The following POLR1A variants were observed in gnomAD, a reference collection of about 807,000 sequenced individuals.
POLR1A encodes the protein RNA polymerase I subunit A.
In POLR1A, 84 loss-of-function variants were observed where a neutral mutation model predicts 205.3. That is an observed-to-expected ratio of 0.41 (90% CI 0.34 to 0.49). The LOEUF is 0.49. Ranked by LOEUF, POLR1A falls within the 20% of genes least tolerant of loss-of-function variation. The probability of loss-of-function intolerance (pLI) is 0.22; values close to 1 mark genes in which losing one functional copy is unlikely to be tolerated. For synonymous variants in POLR1A, 799 were observed against 863.7 expected, an observed-to-expected ratio of 0.93 and a Z score of 1.31; for missense variants, 1,645 against 2,204.5, an observed-to-expected ratio of 0.75 and a Z score of 5.08.
rs1281876983 is a variant in POLR1A at position 86,025,445 on chromosome 2, G to C, written c.*1978C>G. On this transcript the variant is annotated 3_prime_UTR_variant, in exon 34 of 34. Coordinates refer to ENST00000263857, the MANE Select transcript of POLR1A (RefSeq NM_015425.6). ...CACCACAGTGAGTCCCTGCTCATCAGGATGTGCAAGCTCCCAAATGTCTGT... is the reference window on the plus strand; with the variant it reads ...CACCACAGTGAGTCCCTGCTCATCACGATGTGCAAGCTCCCAAATGTCTGT... 1 of 152,276 alleles carries C rather than the reference G, an allele frequency of 6.6e-6. No homozygotes were observed. Among genetic ancestry groups the C allele is most frequent in the Non-Finnish European group, 1.5e-5 (1 of 68,058 alleles). The allele number at this position is 152,276 out of a possible 1,614,324, so 9.4% of individuals were successfully genotyped here.
At chr2:86,094,602 G>C (rs1673673218) in intron 3 of POLR1A, among the ~76,000 whole-genome samples, 1 of 152,162 alleles carries the variant, frequency 6.6e-6, no homozygotes, top group Non-Finnish European at 1.5e-5. Flanking sequence ...CCCTTTCAGG[G>C]ACAGGGCCAG....
Position 86,070,330 on chromosome 2 carries a change from T to C in POLR1A, c.1612-58A>G. 1 of 1,528,798 alleles carries C rather than the reference T, an allele frequency of 6.5e-7. No homozygotes were observed. The highest frequency in any genetic ancestry group is 8.8e-7 in the Non-Finnish European group (1 of 1,130,006). 94.7% of individuals were successfully genotyped at this position (1,528,798 alleles called of 1,614,324 possible). On this transcript the variant is annotated intron_variant, in intron 12 of 33. Transcript: ENST00000263857. The surrounding 1 kb of genome is among the most constrained non-coding windows in gnomAD (Gnocchi z 4.4). ...GCAAACGTCAGTATCACCACGGCTCTTTCCAAGTGCTCACCTCAGCTTGAC... is the reference window on the plus strand; with the variant it reads ...GCAAACGTCAGTATCACCACGGCTCCTTCCAAGTGCTCACCTCAGCTTGAC...
At chr2:86,092,750 G>A (rs1049611313) in intron 3 of POLR1A, among the ~76,000 whole-genome samples, 2 of 152,188 alleles carry the variant, frequency 1.3e-5, no homozygotes, top group Non-Finnish European at 2.9e-5. Flanking sequence ...ACTTGAACCC[G>A]GGAGGTGGAG....
intron 3 of POLR1A, 109 bp downstream of exon 3, chr2:86,098,494 TAAAGATCA>T (rs1233217978): frequency 1.0e-6 from 1 of 1,000,126 alleles, no homozygotes; most frequent in African/African-American, 1.7e-5. Context: ...TTATAAGATA[TAAAGATCA>T]AACGTTCTGA....
intron 14 of POLR1A, among the ~76,000 whole-genome samples, chr2:86,065,070 A>T (rs956569982): frequency 6.6e-6 from 1 of 152,028 alleles, no homozygotes; most frequent in Non-Finnish European, 1.5e-5. Flanking sequence ...CCACTGCACC[A>T]GGCTACTATG....
At chr2:86,079,228 C>A (rs928169050) in intron 9 of POLR1A, among the ~76,000 whole-genome samples, 1 of 152,222 alleles carries the variant, frequency 6.6e-6, no homozygotes, top group Admixed American at 6.5e-5. Context: ...CTACATAAAA[C>A]ACTCAGGGTC....
chr2:86,088,535 T>C, intron 6 of POLR1A, 31 bp downstream of exon 6: 1 of 1,390,642 alleles, frequency 7.2e-7, no homozygotes, highest in Non-Finnish European at 1.0e-6. Context: ...TGGCCTCACA[T>C]GGAGCTCCTC....
chr2:86,098,509 C>A (rs1573837963), intron 3 of POLR1A, 102 bp downstream of exon 3: 1 of 1,169,074 alleles, frequency 8.6e-7, no homozygotes, highest in East Asian at 2.4e-5. Flanking sequence ...ATCAAACGTT[C>A]TGATGACTAT....
At chr2:86,099,627 C>T (rs1219966496) in intron 2 of POLR1A, among the ~76,000 whole-genome samples, 1 of 152,072 alleles carries the variant, frequency 6.6e-6, no homozygotes, top group Non-Finnish European at 1.5e-5. Flanking sequence ...CACTGAAGTT[C>T]TCTCTATTAC....
intron 6 of POLR1A, among the ~76,000 whole-genome samples, chr2:86,084,096 T>G (rs901882156): frequency 6.6e-6 from 1 of 152,100 alleles, no homozygotes; most frequent in African/African-American, 2.4e-5. Context: ...GGAAACCGTG[T>G]CCCTATGAAA....
intron 30 of POLR1A, among the ~76,000 whole-genome samples, chr2:86,030,846 T>G (rs553659966): frequency 1.3e-5 from 2 of 152,266 alleles, no homozygotes; most frequent in East Asian, 3.9e-4. Context: ...AAGGGAACCA[T>G]GAAATCCCTA....
rs547763046 is a variant in POLR1A, at chr2:86,099,386, A to C, written c.282+582T>G. 1.7e-3 allele frequency among the ~76,000 whole-genome samples: 262 copies of C among 151,980 alleles called. 3 individuals carry two copies. The highest frequency in any genetic ancestry group is 6.2e-3 in the African/African-American group (255 of 41,442). On this transcript the variant is annotated intron_variant, in intron 2 of 33. Coordinates refer to ENST00000263857, the MANE Select transcript of POLR1A (RefSeq NM_015425.6). The stretch of plus-strand genomic sequence containing the variant: ...AAAAAAAAAAAAGACACTTCTCTTT[A>C]ACACGATTAACAGACAAAAATCATG...
At chr2:86,059,878 A>C (rs1672965839) in intron 14 of POLR1A, among the ~76,000 whole-genome samples, 1 of 151,412 alleles carries the variant, frequency 6.6e-6, no homozygotes, top group African/African-American at 2.4e-5. Context: ...ATTCTTATTT[A>C]TTTTCTATGA....
rs1372131162 is a variant in POLR1A at position 86,099,993 on chromosome 2, G to GT, written c.256dup (p.Thr86AsnfsTer4). 1 of 1,614,026 alleles carries GT rather than the reference G, an allele frequency of 6.2e-7. No individual in the cohort carries two copies. The highest frequency in any genetic ancestry group is 1.7e-5 in the Admixed American group (1 of 60,014). On this transcript the variant is annotated frameshift_variant, in exon 2 of 34. Transcript: ENST00000263857. LOFTEE classifies it high-confidence loss of function. ...ATCGAAGAGGAGAGGGTTATACACT[G>GT]TGAGTGGGAGCTCAATGTGGCCCAG...
At chr2:86,105,089 G>A (rs1304175601) in intron 1 of POLR1A, among the ~76,000 whole-genome samples, 5 of 152,110 alleles carry the variant, frequency 3.3e-5, no homozygotes, top group African/African-American at 1.2e-4. Flanking sequence ...ATGTTTGTGA[G>A]GTTATAGATC....
At chr2:86,036,414 C>G (rs17026842) in intron 27 of POLR1A, among the ~76,000 whole-genome samples, 1 of 151,756 alleles carries the variant, frequency 6.6e-6, no homozygotes, top group African/African-American at 2.4e-5. Context: ...CCATCTGTCT[C>G]GTGCTGTTTT....
chr2:86,101,304 G>A (rs564058870), intron 1 of POLR1A, among the ~76,000 whole-genome samples: 4 of 152,236 alleles, frequency 2.6e-5, no homozygotes, highest in Non-Finnish European at 5.9e-5. Context: ...CTTTAATAAA[G>A]CACAAAAATA....
intron 31 of POLR1A, among the ~76,000 whole-genome samples, chr2:86,029,721 C>T (rs1239138568): frequency 6.6e-6 from 1 of 151,830 alleles, no homozygotes; most frequent in Non-Finnish European, 1.5e-5. Context: ...CTCAGCCTCC[C>T]AAGTAGCTGG....
rs1262889902 is a variant in POLR1A at position 86,092,341 on chromosome 2, G to C, written c.433-2412C>G. Reference sequence around the variant, plus strand: ...ATATTGATTCCTTTCTGGGAGATGGGGCCTCTAGGCCAGGGGGGCTCCCAT... The same window carrying C: ...ATATTGATTCCTTTCTGGGAGATGGCGCCTCTAGGCCAGGGGGGCTCCCAT... On this transcript the variant is annotated intron_variant, in intron 3 of 33. Coordinates refer to ENST00000263857, the MANE Select transcript of POLR1A (RefSeq NM_015425.6). Among the ~76,000 whole-genome samples, 5 of 152,130 alleles carry C rather than the reference G, an allele frequency of 3.3e-5. No individual in the cohort carries two copies. In the East Asian group the frequency reaches 5.8e-4, roughly 18 times the overall value.
Sources: allele counts gnomAD v4.1 joint callset (sites outside exome capture counted in the v4.1 genomes callset), GRCh38; gene constraint gnomAD v4.1.1; non-coding constraint Gnocchi (gnomAD v3.1); transcripts MANE v1.5; gene names NCBI Gene and HGNC (gene_info 2026-07-23, HGNC 2026-07-21).